COL12A1: variants seen among roughly 807,000 people sequenced by gnomAD.
COL12A1 encodes the protein collagen alpha-1(XII) chain.
COL12A1 carries 114 observed loss-of-function variants against 349.7 expected under a neutral mutation model. The ratio of observed to expected loss-of-function variants is 0.33; its 90% CI spans 0.28 to 0.38. The LOEUF is 0.38. COL12A1 is among the 10% of genes least tolerant of loss of function. The pLI is 1.00. For synonymous variants in COL12A1, 1,369 were observed against 1,329.0 expected (o/e 1.03, Z -0.66); for missense variants, 3,284 against 3,756.9 (o/e 0.87, Z 3.29).
intron 64 of COL12A1, 23 bp from the exon 65 acceptor site, chr6:75,087,770 A>G (rs374384579): frequency 2.5e-6 from 4 of 1,600,126 alleles, no homozygotes; most frequent in Non-Finnish European, 2.6e-6. Flanking sequence ...TAAAACAAAT[A>G]TATTTCCCCT....
chr6:75,182,174 C>T (rs1769346540), intron 10 of COL12A1, among the ~76,000 whole-genome samples: 1 of 151,208 alleles, frequency 6.6e-6, no homozygotes, highest in Admixed American at 6.6e-5. Context: ...AGTGCTAGGA[C>T]AGTTACAGTT....
At chr6:75,193,781 G>A (rs1357204809) in intron 3 of COL12A1, among the ~76,000 whole-genome samples, 1 of 149,114 alleles carries the variant, frequency 6.7e-6, no homozygotes, top group African/African-American at 2.5e-5. Context: ...CTGTGTCCAA[G>A]TGTTCTCATT....
chr6:75,139,515 A>G (rs1184002519), intron 27 of COL12A1, among the ~76,000 whole-genome samples: 1 of 152,222 alleles, frequency 6.6e-6, no homozygotes, highest in East Asian at 1.9e-4. Flanking sequence ...AAAAACACAC[A>G]TACCACTGCA....
At chr6:75,125,640 A>C (rs921935904) in intron 39 of COL12A1, among the ~76,000 whole-genome samples, 1 of 152,152 alleles carries the variant, frequency 6.6e-6, no homozygotes, top group Admixed American at 6.6e-5. Flanking sequence ...AGATAATTTA[A>C]GAATTTCTAT....
At chr6:75,183,768 A>C (rs1168768780) in intron 9 of COL12A1, 86 bp downstream of exon 9, 15 of 1,550,742 alleles carry the variant, frequency 9.7e-6, no homozygotes, top group Non-Finnish European at 1.2e-5. Flanking sequence ...CAAATATTTC[A>C]TTCAAAACTA....
intron 60 of COL12A1, among the ~76,000 whole-genome samples, 154 bp downstream of exon 60, chr6:75,094,954 G>C (rs1767935803): frequency 6.6e-6 from 1 of 152,196 alleles, no homozygotes; most frequent in African/African-American, 2.4e-5. Context: ...TTTTGAACTA[G>C]TACCAAGTCA....
intron 39 of COL12A1, 99 bp from the exon 40 acceptor site, chr6:75,125,372 C>T (rs935977602): frequency 3.5e-5 from 40 of 1,127,854 alleles, no homozygotes; most frequent in Non-Finnish European, 4.3e-5. Context: ...ATTATGAACA[C>T]GATTAATTCC....
chr6:75,113,531 GT>G, intron 50 of COL12A1, 70 bp downstream of exon 50: 1 of 1,456,050 alleles, frequency 6.9e-7, no homozygotes, highest in East Asian at 2.3e-5. Flanking sequence ...TATTCAGAAA[GT>G]TTTTTAAAAG....
rs1766437580 is a variant in COL12A1, at chr6:75,133,867, T to C, written c.5655A>G (p.Pro1885=). The C allele has an allele frequency of 6.2e-7, 1 of 1,613,988 alleles. No homozygotes were observed. Among genetic ancestry groups the C allele is most frequent in the Non-Finnish European group, 8.5e-7 (1 of 1,179,984 alleles). ...TACAAGAAATAATTACCAGTTCCTC[T>C]GGACCACCTGCTGCTGGTGCATAGA... ...KLFYAPAAGG[P]EELVPIPGNT... The change falls in exon 33 of 66, where the codon CCA becomes CCG. Residue 1885 remains proline, a synonymous_variant. Coordinates refer to ENST00000322507, the MANE Select transcript of COL12A1 (RefSeq NM_004370.6).
rs190932632 is a variant in COL12A1 at position 75,126,545 on chromosome 6, G to T, written c.6341-75C>A. 528 of 1,485,128 alleles carry T rather than the reference G, an allele frequency of 3.6e-4. 4 individuals carry two copies. The South Asian group carries it at 4.5e-3, about 13-fold the overall frequency. The allele number at this position is 1,485,128 out of a possible 1,614,324, so 92.0% of individuals were successfully genotyped here. On this transcript the variant is annotated intron_variant, in intron 38 of 65. Transcript: ENST00000322507. ...GAGAGCACAAAACTTTAAAAGTATC[G>T]GTAGGAAAGCCCAATGGGAGCAATT... is the stretch of plus-strand genomic sequence containing the variant.
rs771864984 is a variant in COL12A1 at position 75,146,199 on chromosome 6, G to T, written c.4463C>A (p.Thr1488Asn). ...AGGCTGCCACTGCACATGCATGGTGGTAGGGCCAACATCATAAATATTCAG... is the reference window on the plus strand; with the variant it reads ...AGGCTGCCACTGCACATGCATGGTGTTAGGGCCAACATCATAAATATTCAG... ...VSLNIYDVGP[T>N]TMHVQWQPVG... The change falls in exon 24 of 66, where the codon ACC (threonine) becomes AAC (asparagine). Residue 1488 changes from threonine (T) to asparagine (N), a missense_variant. Thr to Asn is a moderately conservative substitution (Grantham distance 65). Coordinates refer to ENST00000322507, the MANE Select transcript of COL12A1 (RefSeq NM_004370.6). The T allele has an allele frequency of 3.1e-6, 5 of 1,613,024 alleles. No homozygotes were observed. In the Admixed American group the frequency reaches 6.7e-5, roughly 22 times the overall value.
chr6:75,145,543 A>G (rs1482808219), intron 24 of COL12A1, 88 bp from the exon 25 acceptor site: 1 of 1,354,942 alleles, frequency 7.4e-7, no homozygotes, highest in Non-Finnish European at 1.0e-6. Context: ...GTTTATTTGT[A>G]CTAGATTATA....
At chr6:75,109,917 C>T (rs1429463617) in intron 51 of COL12A1, among the ~76,000 whole-genome samples, 4 of 151,972 alleles carry the variant, frequency 2.6e-5, no homozygotes, top group African/African-American at 9.6e-5. Context: ...TCAAGTAAGC[C>T]CTTGATGATG....
chr6:75,101,289 G>T (rs1451429559), intron 58 of COL12A1, among the ~76,000 whole-genome samples: 2 of 152,176 alleles, frequency 1.3e-5, no homozygotes, highest in East Asian at 3.8e-4. Flanking sequence ...AAAACAATTT[G>T]CTGAGATTCT....
intron 33 of COL12A1, 132 bp from the exon 34 acceptor site, chr6:75,133,554 C>A: frequency 1.1e-6 from 1 of 914,432 alleles, no homozygotes; most frequent in South Asian, 1.9e-5. Flanking sequence ...TCATAATAAG[C>A]CCCCACATGA....
At chr6:75,144,423 C>T (rs1368340721) in intron 25 of COL12A1, among the ~76,000 whole-genome samples, 2 of 152,094 alleles carry the variant, frequency 1.3e-5, no homozygotes, top group African/African-American at 4.8e-5. Context: ...CTTCTCTGCC[C>T]CATCATGCTC....
rs1562315266 is a variant in COL12A1, at chr6:75,192,243, T to C, written c.303A>G (p.Glu101=). Residue 101 remains glutamate, a synonymous_variant, in exon 4 of 66, where the codon GAA becomes GAG. Transcript: ENST00000322507. The stretch of plus-strand genomic sequence containing the variant: ...GTTGTCCTATAACTGGTACACTTTC[T>C]TCTACTTCATCATATGAAGTTATTG... ...VVTITSYDEV[E]ESVPVIGQLT... 1 of 1,606,486 alleles carries C rather than the reference T, an allele frequency of 6.2e-7. No homozygotes were observed. The highest frequency in any genetic ancestry group is 8.5e-7 in the Non-Finnish European group (1 of 1,175,284).
In COL12A1 at chr6:75,089,138, G is replaced by T; in HGVS notation, c.8978C>A (p.Ser2993Tyr). Residue 2993 changes from serine (S) to tyrosine (Y), a missense_variant, in exon 64 of 66, where the codon TCT becomes TAT. Physicochemically the swap from Ser to Tyr is moderately radical, Grantham distance 144. This residue lies in a region of COL12A1 where 683 missense variants were observed against 932.1 expected (regional missense o/e 0.73). Transcript: ENST00000322507. ...GCCAGGCAGCCCCCGAGGTCCTGAA[G>T]ATCCAGTACCCCTTTCACCTTTCTC... ...PGEKGERGTG[S>Y]SGPRGLPGPP... 6.2e-7 allele frequency: 1 copy of T among 1,611,604 alleles called. No homozygotes were observed. Among genetic ancestry groups the T allele is most frequent in the Non-Finnish European group, 8.5e-7 (1 of 1,179,232 alleles).
At chr6:75,089,575 A>G (rs1767660398) in intron 63 of COL12A1, among the ~76,000 whole-genome samples, 1 of 152,210 alleles carries the variant, frequency 6.6e-6, no homozygotes, top group African/African-American at 2.4e-5. Flanking sequence ...TTTTCTCTAG[A>G]GTATTAAGTA....
Sources: allele counts gnomAD v4.1 joint callset (sites outside exome capture counted in the v4.1 genomes callset), GRCh38; gene constraint gnomAD v4.1.1; regional missense constraint gnomAD v4.1.1; transcripts MANE v1.5; gene names NCBI Gene and HGNC (gene_info 2026-07-23, HGNC 2026-07-21).